The following CHRNB3 variants were observed in gnomAD, a reference collection of about 807,000 sequenced individuals.
CHRNB3 encodes cholinergic receptor nicotinic beta 3 subunit, also known as neuronal acetylcholine receptor subunit beta-3.
Under a neutral mutation model 40.6 loss-of-function variants are expected in CHRNB3, and 37 were observed. That is an observed-to-expected ratio of 0.91 (90% CI 0.70 to 1.20). The LOEUF is 1.20. Ranked by LOEUF, CHRNB3 falls within the 50% of genes most tolerant of loss-of-function variation. The pLI is 0.00. For missense variants in CHRNB3, 505 were observed against 551.2 expected (o/e 0.92, Z 0.84); for synonymous variants, 207 against 207.1 (o/e 1.00, Z 0.00).
intron 1 of CHRNB3, among the ~76,000 whole-genome samples, chr8:42,706,954 T>A (rs1815932295): frequency 6.6e-6 from 1 of 152,050 alleles, no homozygotes; most frequent in South Asian, 2.1e-4. Flanking sequence ...ATACAGGGTC[T>A]TCCTATGTTG....
chr8:42,704,391 G>A (rs1403550968), intron 1 of CHRNB3: 1 of 152,252 alleles, frequency 6.6e-6, no homozygotes, highest in Non-Finnish European at 1.5e-5. Context: ...AGGTGGAGAT[G>A]TATGCTGTGC....
chr8:42,723,614 C>T (rs1816256738), intron 3 of CHRNB3, among the ~76,000 whole-genome samples: 1 of 152,118 alleles, frequency 6.6e-6, no homozygotes, highest in South Asian at 2.1e-4. Context: ...CCTGGGGGCC[C>T]CCTTCACAGC....
Position 42,697,475 on chromosome 8 carries a change from A to G in CHRNB3, c.-72A>G. 1 of 1,381,546 alleles carries G rather than the reference A, an allele frequency of 7.2e-7. No individual in the cohort carries two copies. The allele number at this position is 1,381,546 out of a possible 1,614,324, so 85.6% of individuals were successfully genotyped here. A position where few individuals can be genotyped will look rare whatever the true frequency, so the allele number is the denominator to read the frequency against. Reference sequence around the variant, plus strand: ...TTTGAACCCCTGTATTTTCTTTTCAAAACCCCCTTTTCCAGTGGAAATGCT... The same window carrying G: ...TTTGAACCCCTGTATTTTCTTTTCAGAACCCCCTTTTCCAGTGGAAATGCT... On this transcript the variant is annotated 5_prime_UTR_variant, in exon 1 of 6. Transcript: ENST00000289957.
intron 3 of CHRNB3, chr8:42,726,007 CACTTCTAGTCGTCTGAGACGT>C: frequency 8.8e-7 from 1 of 1,131,208 alleles, no homozygotes; most frequent in Admixed American, 1.8e-5. Flanking sequence ...GGTGTGGTTT[CACTTCTAGTCGTCTGAGACGT>C]ACCTTGTCAC....
Position 42,736,523 on chromosome 8 carries a change from C to A in CHRNB3, c.1282C>A (p.Arg428=), listed in dbSNP as rs757161082. ...GAAATTTGTAGCTCAAGTTCTTGACCGAATCTTCCTGTGGCTCTTTCTGAT... is the reference window on the plus strand; with the variant it reads ...GAAATTTGTAGCTCAAGTTCTTGACAGAATCTTCCTGTGGCTCTTTCTGAT... The part of the protein sequence containing the change: ...DWKFVAQVLD[R]IFLWLFLIVS... The change falls in exon 6 of 6, where the codon CGA becomes AGA. Residue 428 remains arginine, a synonymous_variant. Coordinates refer to ENST00000289957, the MANE Select transcript of CHRNB3 (RefSeq NM_000749.5). 1 of 1,614,024 alleles carries A rather than the reference C, an allele frequency of 6.2e-7. No homozygotes were observed. Among genetic ancestry groups the A allele is most frequent in the Admixed American group, 1.7e-5 (1 of 59,984 alleles).
Position 42,710,421 on chromosome 8 carries a change from T to A in CHRNB3, c.236T>A (p.Val79Glu), listed in dbSNP as rs745905290. 6.2e-7 allele frequency: 1 copy of A among 1,611,104 alleles called. No individual in the cohort carries two copies. Among genetic ancestry groups the A allele is most frequent in the South Asian group, 1.1e-5 (1 of 90,458 alleles). Residue 79 changes from valine (V) to glutamate (E), a missense_variant, in exon 3 of 6, where the codon GTG becomes GAG. Coordinates refer to ENST00000289957, the MANE Select transcript of CHRNB3 (RefSeq NM_000749.5). ...DEKNQLMTTN[V>E]WLKQEWTDHK... ...AAGAATCAGCTGATGACAACCAATG[T>A]GTGGCTCAAACAGGTAAATTTCAAT...
chr8:42,718,726 G>GT (rs1359303284), intron 3 of CHRNB3, among the ~76,000 whole-genome samples: 1 of 144,424 alleles, frequency 6.9e-6, no homozygotes, highest in African/African-American at 2.6e-5. Context: ...TTTTTTTATA[G>GT]TTTTTTTAAA....
In CHRNB3 at chr8:42,732,463, A is replaced by G. The variant is rs1816447944; in HGVS notation, c.1156A>G (p.Lys386Glu). 1 of 1,613,420 alleles carries G rather than the reference A, an allele frequency of 6.2e-7. No homozygotes were observed. The highest frequency in any genetic ancestry group is 1.3e-5 in the African/African-American group (1 of 74,856). Residue 386 changes from lysine (K) to glutamate (E), a missense_variant, in exon 5 of 6, where the codon AAA becomes GAA. By Grantham distance (56) the Lys-to-Glu change is moderately conservative. Coordinates refer to ENST00000289957, the MANE Select transcript of CHRNB3 (RefSeq NM_000749.5). Reference sequence around the variant, plus strand: ...ACAGAAACAGCTTAGTGATGGAGAAAAAGTTCTAGTTGCTTTTTTGGAAAA... The same window carrying G: ...ACAGAAACAGCTTAGTGATGGAGAAGAAGTTCTAGTTGCTTTTTTGGAAAA... ...KKQKQLSDGE[K>E]VLVAFLEKAA...
At chr8:42,698,489 C>CT (rs1156768924) in intron 1 of CHRNB3, among the ~76,000 whole-genome samples, 1 of 152,186 alleles carries the variant, frequency 6.6e-6, no homozygotes, top group East Asian at 1.9e-4. Context: ...ACTGGAGACA[C>CT]TAAGGGAGAT....
chr8:42,726,207 A>C (rs57435730), intron 3 of CHRNB3: 1 of 931,278 alleles, frequency 1.1e-6, no homozygotes, highest in African/African-American at 1.6e-5. Context: ...AAAGGGATTT[A>C]TCTTTGCTCT....
At chr8:42,726,602 G>A (rs957461125) in intron 3 of CHRNB3, among the ~76,000 whole-genome samples, 4 of 151,750 alleles carry the variant, frequency 2.6e-5, no homozygotes, top group African/African-American at 7.3e-5. Flanking sequence ...AAGTTCAAGC[G>A]GTTCTCCTAC....
intron 1 of CHRNB3, among the ~76,000 whole-genome samples, chr8:42,703,440 T>TATATATATATATATATATATA: frequency 1.2e-5 from 1 of 80,716 alleles, no homozygotes; most frequent in Non-Finnish European, 2.9e-5. Flanking sequence ...AAAAAAATAT[T>TATATATATATATATATATATA]TATATATATA....
rs1300504877 is a variant in CHRNB3, at chr8:42,708,841, A to T, written c.177A>T (p.Gly59=). The change falls in exon 2 of 6, where the codon GGA becomes GGT. Residue 59 remains glycine, a synonymous_variant. Transcript: ENST00000289957. The part of the protein sequence containing the change: ...HSNDTIKVYF[G]LKISQLVDVD... ...ATGACACCATAAAAGTATATTTTGG[A>T]TTGAAAATATCCCAGCTTGTAGATG... The T allele has an allele frequency of 1.4e-5, 23 of 1,613,426 alleles. No homozygotes were observed. Among genetic ancestry groups the T allele is most frequent in the Non-Finnish European group, 1.9e-5 (23 of 1,179,778 alleles).
intron 3 of CHRNB3, among the ~76,000 whole-genome samples, chr8:42,712,652 A>G (rs1480811882): frequency 6.6e-6 from 1 of 152,190 alleles, no homozygotes; most frequent in Non-Finnish European, 1.5e-5. Flanking sequence ...TTCCCCAGTG[A>G]CTTACCCACT....
At chr8:42,718,652 G>T (rs1816163170) in intron 3 of CHRNB3, among the ~76,000 whole-genome samples, 1 of 130,398 alleles carries the variant, frequency 7.7e-6, no homozygotes, top group Non-Finnish European at 1.5e-5. Flanking sequence ...CAGCCTGGGT[G>T]ACAGAGCAAG....
intron 3 of CHRNB3, among the ~76,000 whole-genome samples, chr8:42,717,181 G>A (rs984957762): frequency 1.4e-4 from 19 of 134,020 alleles, no homozygotes; most frequent in East Asian, 3.9e-4. Flanking sequence ...AGACCATCCC[G>A]GCTAAAACGG....
chr8:42,725,150 C>T (rs1226370590), intron 3 of CHRNB3, among the ~76,000 whole-genome samples: 4 of 141,924 alleles, frequency 2.8e-5, no homozygotes, highest in African/African-American at 7.9e-5. Context: ...AGTGCAATGG[C>T]GCAATCTTGG....
At chr8:42,726,909 T>C (rs1286105005) in intron 3 of CHRNB3, among the ~76,000 whole-genome samples, 3 of 152,136 alleles carry the variant, frequency 2.0e-5, no homozygotes, top group Non-Finnish European at 2.9e-5. Flanking sequence ...TAAATAATAT[T>C]CCTGGGCCAG....
chr8:42,708,825 T>C lies in CHRNB3; in HGVS notation c.161T>C (p.Ile54Thr). ...VRPVLHSNDT[I>T]KVYFGLKISQ... ...CCTGTATTACATTCTAATGACACCA[T>C]AAAAGTATATTTTGGATTGAAAATA... is the stretch of plus-strand genomic sequence containing the variant. The change falls in exon 2 of 6, where the codon ATA (isoleucine) becomes ACA (threonine). Residue 54 changes from isoleucine (I) to threonine (T), a missense_variant. Transcript: ENST00000289957. 1 of 1,613,936 alleles carries C rather than the reference T, an allele frequency of 6.2e-7. No homozygotes were observed. The highest frequency in any genetic ancestry group is 8.5e-7 in the Non-Finnish European group (1 of 1,179,920).
Sources: gnomAD v4.1 joint callset for allele counts (sites outside exome capture counted in the v4.1 genomes callset) on GRCh38, gnomAD v4.1.1 for gene constraint, MANE v1.5 for transcripts, NCBI Gene and HGNC (gene_info 2026-07-23, HGNC 2026-07-21) for gene names.